The following QTGAL variants were observed in gnomAD, a reference collection of about 807,000 sequenced individuals.
The protein encoded by QTGAL is queuosine-tRNA galactosyltransferase.
At chr17:83,041,207 CAAA>C in the QTGAL span, among the ~76,000 whole-genome samples, 3 of 151,502 alleles carry the variant, frequency 2.0e-5, no homozygotes, top group South Asian at 4.2e-4. Flanking sequence ...AAAATGGAGA[CAAA>C]GAAGAATGAA....
chr17:82,986,425 C>T, the QTGAL span, among the ~76,000 whole-genome samples: 72 of 152,338 alleles, frequency 4.7e-4, no homozygotes, highest in African/African-American at 1.4e-3. Context: ...GTAAGGAAAT[C>T]GCTTTAAAAG....
the QTGAL span, among the ~76,000 whole-genome samples, chr17:83,034,644 C>T: frequency 1.9e-4 from 29 of 152,310 alleles, no homozygotes; most frequent in African/African-American, 6.5e-4. Context: ...TCCCACGTGT[C>T]GTGGGAGGGC....
the QTGAL span, chr17:82,961,160 A>G: frequency 6.2e-7 from 1 of 1,608,154 alleles, no homozygotes; most frequent in Non-Finnish European, 8.5e-7. Context: ...TCGTAGAAGA[A>G]CAGCAGGTCC....
the QTGAL span, among the ~76,000 whole-genome samples, chr17:82,992,474 C>G: frequency 3.9e-5 from 6 of 152,132 alleles, no homozygotes; most frequent in African/African-American, 1.4e-4. Context: ...TGAAAATATC[C>G]TTCAAACATG....
At chr17:83,050,901 GAGCAGGTGTGTGA>G in the QTGAL span, among the ~76,000 whole-genome samples, 34 of 151,952 alleles carry the variant, frequency 2.2e-4, no homozygotes, top group African/African-American at 8.2e-4. Context: ...GCAGGACGCA[GAGCAGGTGTGTGA>G]AGCAGGTGTG....
chr17:83,033,718 G>A, the QTGAL span, among the ~76,000 whole-genome samples: 2,550 of 152,030 alleles, frequency 0.017, 67 homozygotes, highest in African/African-American at 0.058. Flanking sequence ...TGATCCACCC[G>A]CCTCGGCCTC....
the QTGAL span, among the ~76,000 whole-genome samples, chr17:83,045,236 C>A: frequency 6.6e-6 from 1 of 152,180 alleles, no homozygotes; most frequent in East Asian, 1.9e-4. Flanking sequence ...TAAGGACAGA[C>A]ATATAGACCA....
the QTGAL span, among the ~76,000 whole-genome samples, chr17:82,952,410 T>A: frequency 8.5e-5 from 13 of 152,076 alleles, no homozygotes; most frequent in Non-Finnish European, 1.9e-4. Context: ...GGGGTTGCAA[T>A]CCTAGTCTCT....
the QTGAL span, among the ~76,000 whole-genome samples, chr17:82,991,460 C>G: frequency 6.6e-6 from 1 of 152,198 alleles, no homozygotes; most frequent in Non-Finnish European, 1.5e-5. Flanking sequence ...TCGCCATCCA[C>G]GTAAGCTTGG....
chr17:83,051,452 G>C, the QTGAL span, among the ~76,000 whole-genome samples: 4 of 152,148 alleles, frequency 2.6e-5, no homozygotes. Flanking sequence ...AAATCAGAAC[G>C]AGGAAGGTCG....
chr17:82,975,734 G>C, the QTGAL span, among the ~76,000 whole-genome samples: 1 of 73,458 alleles, frequency 1.4e-5, no homozygotes, highest in Non-Finnish European at 2.5e-5. Context: ...GGACAGAGCC[G>C]GACTCCATCC....
the QTGAL span, among the ~76,000 whole-genome samples, chr17:83,013,049 C>T: frequency 3.3e-5 from 5 of 152,168 alleles, no homozygotes; most frequent in Admixed American, 6.5e-5. Context: ...CACTCTCACA[C>T]GTATTTGTGG....
the QTGAL span, among the ~76,000 whole-genome samples, chr17:82,968,061 T>C: frequency 6.6e-6 from 1 of 151,402 alleles, no homozygotes; most frequent in South Asian, 2.1e-4. Flanking sequence ...TCTTAGAGAG[T>C]TAAACACAGA....
At chr17:82,956,859 C>T in the QTGAL span, 5 of 1,425,466 alleles carry the variant, frequency 3.5e-6, no homozygotes, top group East Asian at 1.2e-4. This position sits in a 1 kb window ranked among gnomAD's most constrained non-coding sequence, Gnocchi z 5.7. Flanking sequence ...ACCAAGTTGG[C>T]TCACACAGGA....
chr17:82,965,189 G>C, the QTGAL span, among the ~76,000 whole-genome samples: 1 of 149,096 alleles, frequency 6.7e-6, no homozygotes, highest in Non-Finnish European at 1.5e-5. Context: ...ACGCCTGCAG[G>C]TGCACTCCCA....
chr17:83,029,259 T>C, the QTGAL span, among the ~76,000 whole-genome samples: 1 of 152,198 alleles, frequency 6.6e-6, no homozygotes, highest in African/African-American at 2.4e-5. Flanking sequence ...GAATAAACTA[T>C]AATGAGATGC....
At chr17:83,026,385 C>T in the QTGAL span, among the ~76,000 whole-genome samples, 93 of 152,356 alleles carry the variant, frequency 6.1e-4, 1 homozygote, top group African/African-American at 2.2e-3. Flanking sequence ...AAAGCCTGTC[C>T]ACAGGAGGAA....
chr17:82,963,091 T>G, the QTGAL span, among the ~76,000 whole-genome samples: 1 of 151,602 alleles, frequency 6.6e-6, no homozygotes. Flanking sequence ...AGAAGCCGAG[T>G]GGAGGAAGTG....
chr17:83,042,895 G>A, the QTGAL span, among the ~76,000 whole-genome samples: 13 of 152,210 alleles, frequency 8.5e-5, no homozygotes, highest in Non-Finnish European at 1.2e-4. Context: ...GAGTGCTGGC[G>A]TGGCTGTACT....
Sources: allele counts gnomAD v4.1 joint callset (sites outside exome capture counted in the v4.1 genomes callset), GRCh38; gene constraint gnomAD v4.1.1; non-coding constraint Gnocchi (gnomAD v3.1); transcripts MANE v1.5; gene names NCBI Gene and HGNC (gene_info 2026-07-23, HGNC 2026-07-21).